Variants in CA12 observed in about 807,000 individuals in gnomAD.
The protein encoded by CA12 is carbonic anhydrase 12.
CA12 carries 36 observed loss-of-function variants against 46.8 expected under a neutral mutation model. The observed-to-expected ratio is 0.77, with a 90% confidence interval of 0.59 to 1.02. The LOEUF (loss-of-function observed/expected upper bound fraction) is 1.02, where lower values mean the gene tolerates loss of function less well. CA12 is among the 50% of genes least tolerant of loss of function. CA12 has a pLI of 0.00. For synonymous variants in CA12, 202 were observed against 187.0 expected, an observed-to-expected ratio of 1.08 and a Z score of -0.65; for missense variants, 436 against 451.4, an observed-to-expected ratio of 0.97 and a Z score of 0.31.
Position 63,342,020 on chromosome 15 carries a change from G to T in CA12, c.507C>A (p.Val169=). 1 of 1,613,298 alleles carries T rather than the reference G, an allele frequency of 6.2e-7. No individual in the cohort carries two copies. Residue 169 remains valine (V), a synonymous_variant, in exon 5 of 11, where the codon GTC becomes GTA. Transcript: ENST00000178638. The part of the protein sequence containing the change: ...TASNKSEGLA[V]LAVLIEMGSF... ...CTCTTACCTCAATGAGAACAGCCAG[G>T]ACAGCGAGGCCTTCTGACTTGTTGC...
intron 2 of CA12, among the ~76,000 whole-genome samples, chr15:63,352,184 T>C (rs2039241206): frequency 6.6e-6 from 1 of 152,222 alleles, no homozygotes; most frequent in Non-Finnish European, 1.5e-5. Flanking sequence ...GCCTCCCAAG[T>C]AGCTGGGATT....
intron 2 of CA12, among the ~76,000 whole-genome samples, chr15:63,367,240 T>C (rs1254925376): frequency 6.6e-6 from 1 of 152,198 alleles, no homozygotes; most frequent in East Asian, 1.9e-4. Context: ...TCTTTAGATT[T>C]GCAGGTCATA....
intron 8 of CA12, among the ~76,000 whole-genome samples, chr15:63,336,326 A>T (rs1417314879): frequency 1.3e-5 from 2 of 152,150 alleles, no homozygotes; most frequent in Admixed American, 1.3e-4. Context: ...GTCTAAGAAG[A>T]TGGCTAATTA....
rs890038617 is a variant in CA12 at position 63,322,940 on chromosome 15, C to G, written c.*3345G>C. The stretch of plus-strand genomic sequence containing the variant: ...GGGTGATTATAGTGAAAATTGGATG[C>G]TTTTCTAAATAAGGCAAACAATGAT... On this transcript the variant is annotated 3_prime_UTR_variant, in exon 11 of 11. Coordinates refer to ENST00000178638, the MANE Select transcript of CA12 (RefSeq NM_001218.5). The surrounding 1 kb of genome is among the most constrained non-coding windows in gnomAD (Gnocchi z 4.1). 16 of 152,232 alleles carry G rather than the reference C, an allele frequency of 1.1e-4. No individual in the cohort carries two copies. Among genetic ancestry groups the G allele is most frequent in the Admixed American group, 3.9e-4 (6 of 15,286 alleles). The allele number at this position is 152,232 out of a possible 1,614,324, so 9.4% of individuals were successfully genotyped here. A position where few individuals can be genotyped will look rare whatever the true frequency, so the allele number is the denominator to read the frequency against.
rs1349041697 is a variant in CA12 at position 63,339,804 on chromosome 15, C to T, written c.747+484G>A. On this transcript the variant is annotated intron_variant, in intron 7 of 10. Transcript: ENST00000178638. The surrounding 1 kb of genome is among the most constrained non-coding windows in gnomAD (Gnocchi z 4.3). ...GCGGGTGATCCCACAGACTTCTACTCTTCTCTCTCATCTCCTATCAAATAA... is the reference window on the plus strand; with the variant it reads ...GCGGGTGATCCCACAGACTTCTACTTTTCTCTCTCATCTCCTATCAAATAA... Among the ~76,000 whole-genome samples, 1 of 152,226 alleles carries T rather than the reference C, an allele frequency of 6.6e-6. No homozygotes were observed. Among genetic ancestry groups the T allele is most frequent in the Non-Finnish European group, 1.5e-5 (1 of 68,038 alleles).
At position 63,328,338 on chromosome 15, in the gene CA12, C is replaced by CTTTT. The variant is rs57210378; in HGVS notation, c.875-212_875-209dup. 7.1e-6 allele frequency among the ~76,000 whole-genome samples: 1 copy of CTTTT among 140,410 alleles called. No individual in the cohort carries two copies. Among genetic ancestry groups the CTTTT allele is most frequent in the Non-Finnish European group, 1.6e-5 (1 of 64,480 alleles). The allele number at this position is 140,410 out of a possible 152,430, so 92.1% of individuals were successfully genotyped here. Reference sequence around the variant, plus strand: ...ACTGCAATCCCTCCTTCCGATGCTCCTTTTTTTTTTTTTTTTGAGATGGAA... The same window carrying CTTTT: ...ACTGCAATCCCTCCTTCCGATGCTCCTTTTTTTTTTTTTTTTTTTTGAGATGGAA... On this transcript the variant is annotated intron_variant, in intron 8 of 10. Transcript: ENST00000178638. The surrounding 1 kb of genome is among the most constrained non-coding windows in gnomAD (Gnocchi z 5.9).
intron 3 of CA12, 61 bp downstream of exon 3, chr15:63,346,469 A>G: frequency 7.0e-7 from 1 of 1,420,424 alleles, no homozygotes; most frequent in Non-Finnish European, 9.7e-7. Context: ...GGAAAAGGAC[A>G]GGCCTGGCAG....
Position 63,348,831 on chromosome 15 carries a change from T to C in CA12, c.107-2122A>G, listed in dbSNP as rs563502044. On this transcript the variant is annotated intron_variant, in intron 2 of 10. Coordinates refer to ENST00000178638, the MANE Select transcript of CA12 (RefSeq NM_001218.5). This position sits in a 1 kb window ranked among gnomAD's most constrained non-coding sequence, Gnocchi z 4.6. ...TTATAAGTAGGGTCACGTGCCCCCATGGGCATTTAGGAAACATTTTCCCAA... is the reference window on the plus strand; with the variant it reads ...TTATAAGTAGGGTCACGTGCCCCCACGGGCATTTAGGAAACATTTTCCCAA... Among the ~76,000 whole-genome samples the C allele has an allele frequency of 6.6e-6, 1 of 152,150 alleles. No homozygotes were observed.
intron 4 of CA12, 80 bp from the exon 5 acceptor site, chr15:63,342,177 A>G (rs2039087415): frequency 1.1e-6 from 1 of 884,988 alleles, no homozygotes; most frequent in African/African-American, 1.7e-5. Flanking sequence ...CTTGACTCCA[A>G]CTGTGAGGAC....
chr15:63,332,366 T>C (rs747062658), intron 8 of CA12, among the ~76,000 whole-genome samples: 12 of 152,188 alleles, frequency 7.9e-5, no homozygotes, highest in Non-Finnish European at 1.6e-4. Flanking sequence ...CCAGATTACA[T>C]GGGGGAACTG....
intron 2 of CA12, among the ~76,000 whole-genome samples, chr15:63,365,237 G>A (rs1051469481): frequency 6.6e-6 from 1 of 152,210 alleles, no homozygotes; most frequent in South Asian, 2.1e-4. Flanking sequence ...GATCCTGATG[G>A]GGGGAAGAAA....
chr15:63,376,612 C>CTT (rs1419271437), intron 1 of CA12, among the ~76,000 whole-genome samples: 6 of 19,092 alleles, frequency 3.1e-4, no homozygotes, highest in Non-Finnish European at 5.5e-4. Flanking sequence ...CTCTCTCTCT[C>CTT]GCTCTCTCTC....
intron 2 of CA12, among the ~76,000 whole-genome samples, chr15:63,360,296 T>G (rs2039344691): frequency 6.6e-6 from 1 of 152,172 alleles, no homozygotes; most frequent in Non-Finnish European, 1.5e-5. Flanking sequence ...GAAACCTCAT[T>G]CTTTTAAAGG....
Position 63,339,016 on chromosome 15 carries a change from C to T in CA12, c.748-71G>A, listed in dbSNP as rs2152614887. 4 of 1,589,092 alleles carry T rather than the reference C, an allele frequency of 2.5e-6. No individual in the cohort carries two copies. The highest frequency in any genetic ancestry group is 1.7e-5 in the Admixed American group (1 of 57,598). On this transcript the variant is annotated intron_variant, in intron 7 of 10. Transcript: ENST00000178638. The surrounding 1 kb of genome is among the most constrained non-coding windows in gnomAD (Gnocchi z 4.3). ...ACCTGATCCCCTGGGAAGAGGCTAG[C>T]TCTCCGCTCTTGCACCTGGGAGAAG... is the stretch of plus-strand genomic sequence containing the variant.
chr15:63,346,293 T>A (rs186954721), intron 3 of CA12, among the ~76,000 whole-genome samples: 122 of 152,218 alleles, frequency 8.0e-4, no homozygotes, highest in African/African-American at 2.7e-3. Context: ...TCCTGCCCCA[T>A]CCTGAGAGAT....
At chr15:63,349,925 ATG>A (rs2039205419) in intron 2 of CA12, among the ~76,000 whole-genome samples, 2 of 152,132 alleles carry the variant, frequency 1.3e-5, no homozygotes, top group African/African-American at 4.8e-5. Context: ...TAATTCCCTC[ATG>A]TATTTCTTCT....
chr15:63,359,616 G>A (rs1378563834), intron 2 of CA12, among the ~76,000 whole-genome samples: 1 of 152,102 alleles, frequency 6.6e-6, no homozygotes, highest in Non-Finnish European at 1.5e-5. Flanking sequence ...CATTCTCTAA[G>A]ATCTATATGC....
intron 2 of CA12, among the ~76,000 whole-genome samples, chr15:63,353,714 A>G (rs59721975): frequency 0.097 from 14,713 of 151,924 alleles, 1,356 homozygotes; most frequent in African/African-American, 0.24. Flanking sequence ...TCTGCATGTA[A>G]AAGCCATTTT....
At chr15:63,365,204 TTTTC>T (rs1199695215) in intron 2 of CA12, among the ~76,000 whole-genome samples, 2 of 152,236 alleles carry the variant, frequency 1.3e-5, no homozygotes, top group Non-Finnish European at 2.9e-5. Context: ...GTCTATTGTG[TTTTC>T]TTTAACTGCT....
Sources: allele counts gnomAD v4.1 joint callset (sites outside exome capture counted in the v4.1 genomes callset), GRCh38; gene constraint gnomAD v4.1.1; non-coding constraint Gnocchi (gnomAD v3.1); transcripts MANE v1.5; gene names NCBI Gene and HGNC (gene_info 2026-07-23, HGNC 2026-07-21).